The following IKZF2 variants were observed in gnomAD, a reference collection of about 807,000 sequenced individuals.
IKZF2 encodes the protein zinc finger protein Helios.
In IKZF2, 15 loss-of-function variants were observed where a neutral mutation model predicts 49.2. That is an observed-to-expected ratio of 0.30 (90% CI 0.20 to 0.47). The LOEUF is 0.47. Among genes scored for constraint, IKZF2 ranks in the 20% least tolerant of loss-of-function variants. The probability of loss-of-function intolerance (pLI) is 1.00; values close to 1 mark genes in which losing one functional copy is unlikely to be tolerated. For missense variants in IKZF2, 567 were observed against 664.6 expected, an observed-to-expected ratio of 0.85 and a Z score of 1.61; for synonymous variants, 227 against 221.4, an observed-to-expected ratio of 1.03 and a Z score of -0.23.
At chr2:213,086,451 A>T (rs1317627297) in intron 4 of IKZF2, among the ~76,000 whole-genome samples, 1 of 152,232 alleles carries the variant, frequency 6.6e-6, no homozygotes, top group Non-Finnish European at 1.5e-5. Flanking sequence ...ATAAGCTCTA[A>T]ATTTCTGTGG....
At chr2:213,115,395 T>G (rs2059837781) in intron 4 of IKZF2, among the ~76,000 whole-genome samples, 1 of 152,228 alleles carries the variant, frequency 6.6e-6, no homozygotes, top group South Asian at 2.1e-4. Flanking sequence ...ATGGAAGAAT[T>G]TAACCACATA....
chr2:213,043,981 C>T (rs966355849), intron 6 of IKZF2, among the ~76,000 whole-genome samples: 2 of 152,202 alleles, frequency 1.3e-5, no homozygotes, highest in African/African-American at 4.8e-5. Flanking sequence ...ATTTTCCACA[C>T]TTCTTTGCTC....
intron 6 of IKZF2, 92 bp from the exon 7 acceptor site, chr2:213,022,222 C>T: frequency 8.1e-7 from 1 of 1,231,654 alleles, no homozygotes; most frequent in Non-Finnish European, 1.1e-6. Flanking sequence ...GGAGGAAGCA[C>T]TCATATAATT....
chr2:213,025,484 A>G (rs577284610), intron 6 of IKZF2, among the ~76,000 whole-genome samples: 1 of 152,272 alleles, frequency 6.6e-6, no homozygotes, highest in East Asian at 1.9e-4. Flanking sequence ...ATTACTTATA[A>G]CAACTGTGTT....
chr2:213,033,657 A>G (rs1698709934), intron 6 of IKZF2, among the ~76,000 whole-genome samples: 1 of 61,862 alleles, frequency 1.6e-5, no homozygotes, highest in African/African-American at 3.6e-5. Flanking sequence ...AGCAGTGTCT[A>G]AACAATAGGC....
At chr2:213,140,119 G>C (rs1235416402) in intron 4 of IKZF2, among the ~76,000 whole-genome samples, 1 of 151,854 alleles carries the variant, frequency 6.6e-6, no homozygotes, top group Non-Finnish European at 1.5e-5. Context: ...ATCTCTCTAA[G>C]GAGTTCTGAA....
At chr2:213,071,710 G>T (rs1223324514) in intron 4 of IKZF2, among the ~76,000 whole-genome samples, 1 of 152,056 alleles carries the variant, frequency 6.6e-6, no homozygotes, top group Non-Finnish European at 1.5e-5. Context: ...CCTGAACTAA[G>T]GACTTGTAGC....
intron 4 of IKZF2, among the ~76,000 whole-genome samples, chr2:213,116,742 C>T (rs552952352): frequency 6.6e-6 from 1 of 152,124 alleles, no homozygotes; most frequent in African/African-American, 2.4e-5. Context: ...CTGTCTCACA[C>T]ACAAAAATCT....
At chr2:213,109,172 G>C (rs574541709) in intron 4 of IKZF2, among the ~76,000 whole-genome samples, 1 of 152,066 alleles carries the variant, frequency 6.6e-6, no homozygotes, top group East Asian at 1.9e-4. Flanking sequence ...ACTTTGAGGA[G>C]ACTTATTTTA....
intron 4 of IKZF2, among the ~76,000 whole-genome samples, chr2:213,065,058 T>C (rs1487760248): frequency 1.3e-5 from 2 of 152,096 alleles, no homozygotes; most frequent in South Asian, 2.1e-4. Context: ...TAGTTACTCA[T>C]GCCTTTTCCA....
At chr2:213,058,341 G>A (rs1468950551) in intron 4 of IKZF2, among the ~76,000 whole-genome samples, 4 of 152,034 alleles carry the variant, frequency 2.6e-5, no homozygotes, top group Admixed American at 6.6e-5. Context: ...TATTAAGAAC[G>A]AGGATAGTGA....
At chr2:213,098,786 G>A (rs1342395231) in intron 4 of IKZF2, among the ~76,000 whole-genome samples, 1 of 152,126 alleles carries the variant, frequency 6.6e-6, no homozygotes, top group Non-Finnish European at 1.5e-5. Context: ...TGGCTCAGCT[G>A]CTCCAGTTCC....
intron 6 of IKZF2, among the ~76,000 whole-genome samples, chr2:213,039,374 A>C (rs1699388191): frequency 6.6e-6 from 1 of 152,042 alleles, no homozygotes; most frequent in South Asian, 2.1e-4. Context: ...TATACTAAAA[A>C]TGTTTTTTAG....
chr2:213,042,599 G>A (rs1264317842), intron 6 of IKZF2, among the ~76,000 whole-genome samples: 2 of 152,078 alleles, frequency 1.3e-5, no homozygotes, highest in East Asian at 3.8e-4. Context: ...ACTTTGAAAA[G>A]ATTCAATAAA....
At chr2:213,068,255 G>A (rs1472713854) in intron 4 of IKZF2, among the ~76,000 whole-genome samples, 2 of 152,050 alleles carry the variant, frequency 1.3e-5, no homozygotes, top group African/African-American at 4.8e-5. Context: ...TAGAATACTT[G>A]ATGCTTTCTG....
At chr2:213,101,145 C>T (rs887229101) in intron 4 of IKZF2, among the ~76,000 whole-genome samples, 1 of 151,814 alleles carries the variant, frequency 6.6e-6, no homozygotes, top group Admixed American at 6.6e-5. Context: ...GATGGACAGA[C>T]AACATTCTTA....
At chr2:213,049,382 G>A (rs1401912415) in intron 6 of IKZF2, among the ~76,000 whole-genome samples, 2 of 151,840 alleles carry the variant, frequency 1.3e-5, no homozygotes, top group African/African-American at 4.8e-5. Context: ...TATTATACTG[G>A]ATCTTCACTT....
intron 4 of IKZF2, among the ~76,000 whole-genome samples, chr2:213,135,230 C>T (rs986696301): frequency 1.3e-5 from 2 of 152,162 alleles, no homozygotes; most frequent in African/African-American, 4.8e-5. Flanking sequence ...TTAACTCATT[C>T]TACTCAGATT....
At position 213,006,254 on chromosome 2, in the gene IKZF2, A is replaced by T. The variant is rs1051111876; in HGVS notation, c.*1106T>A. ...AGACCTTCTACTCGAAGAGTAAAGG[A>T]TGAATGAACTATGGACAGAACACCG... On this transcript the variant is annotated 3_prime_UTR_variant, in exon 9 of 9. Transcript: ENST00000434687. The T allele has an allele frequency of 2.0e-5, 3 of 152,440 alleles. No homozygotes were observed. Among genetic ancestry groups the T allele is most frequent in the Non-Finnish European group, 2.9e-5 (2 of 67,988 alleles). The allele number at this position is 152,440 out of a possible 1,614,324, so 9.4% of individuals were successfully genotyped here.
Sources: allele counts gnomAD v4.1 joint callset (sites outside exome capture counted in the v4.1 genomes callset), GRCh38; gene constraint gnomAD v4.1.1; transcripts MANE v1.5; gene names NCBI Gene and HGNC (gene_info 2026-07-23, HGNC 2026-07-21).